Variants in CCN1 observed in about 807,000 individuals in gnomAD.
CCN1 encodes CCN family member 1.
In CCN1, 12 loss-of-function variants were observed where a neutral mutation model predicts 38.1. The ratio of observed to expected loss-of-function variants is 0.31; its 90% CI spans 0.20 to 0.51. The LOEUF (loss-of-function observed/expected upper bound fraction) is 0.51. Ranked by LOEUF, CCN1 falls within the 20% of genes least tolerant of loss-of-function variation. CCN1 has a pLI of 0.97. For missense variants in CCN1, 466 were observed against 490.9 expected (o/e 0.95, Z 0.48); for synonymous variants, 202 against 196.1 (o/e 1.03, Z -0.25).
rs200897161 is a variant in CCN1 at position 85,582,061 on chromosome 1, A to T, written c.411A>T (p.Glu137Asp). ...GCTGCATTCCTCTGTGTCCCCAAGAACTATCTCTCCCCAACTTGGGCTGTC... is the reference window on the plus strand; with the variant it reads ...GCTGCATTCCTCTGTGTCCCCAAGATCTATCTCTCCCCAACTTGGGCTGTC... Reference protein sequence around the residue: ...AVGCIPLCPQELSLPNLGCPN... With the variant: ...AVGCIPLCPQDLSLPNLGCPN... The change falls in exon 3 of 5, where the codon GAA (glutamate) becomes GAT (aspartate). Residue 137 changes from glutamate (E) to aspartate (D), a missense_variant. By Grantham distance (45) the Glu-to-Asp change is conservative (BLOSUM62 2). Transcript: ENST00000451137. The T allele has an allele frequency of 6.8e-6, 11 of 1,614,140 alleles. 1 individual carries two copies. The Middle Eastern group carries it at 4.9e-4, about 73-fold the overall frequency.
At chr1:85,581,825 C>T in intron 2 of CCN1, 103 bp from the exon 3 acceptor site, 1 of 1,313,868 alleles carries the variant, frequency 7.6e-7, no homozygotes, top group Non-Finnish European at 1.1e-6. Context: ...GGAACTTTAC[C>T]ATAAATTGAA....
rs1445633738 is a variant in CCN1, at chr1:85,583,386, C to T, written c.*344C>T. ...AGGCTTTTTTCCTTTTGGGGTTCTA[C>T]AGTCGTAAAAGAGATAATAAGATTA... On this transcript the variant is annotated 3_prime_UTR_variant, in exon 5 of 5. Coordinates refer to ENST00000451137, the MANE Select transcript of CCN1 (RefSeq NM_001554.5). 1 of 282,650 alleles carries T rather than the reference C, an allele frequency of 3.5e-6. No homozygotes were observed. The highest frequency in any genetic ancestry group is 2.2e-5 in the African/African-American group (1 of 45,890). The allele number at this position is 282,650 out of a possible 1,614,324, so 17.5% of individuals were successfully genotyped here.
rs753907885 is a variant in CCN1 at position 85,582,280 on chromosome 1, C to T, written c.630C>T (p.Leu210=). 6 of 1,614,150 alleles carry T rather than the reference C, an allele frequency of 3.7e-6. No individual in the cohort carries two copies. The highest frequency in any genetic ancestry group is 1.6e-4 in the Middle Eastern group (1 of 6,062). ...GAAAAGGCAGCTCACTGAAGCGGCT[C>T]CCTGGTAAGTGGAGACTGAGCACTT... The part of the protein sequence containing the change: ...AVGKGSSLKR[L]PVFGMEPRIL... Residue 210 remains leucine, a synonymous_variant, in exon 3 of 5, where the codon CTC becomes CTT. Coordinates refer to ENST00000451137, the MANE Select transcript of CCN1 (RefSeq NM_001554.5).
Position 85,582,398 on chromosome 1 carries a change from C to T in CCN1, c.635-18C>T, listed in dbSNP as rs368281986. ...GTCGGTATGCCTCTGAGAAGTCTTC[C>T]CTCTTATATGTCTCTAGTTTTTGGA... On this transcript the variant is annotated intron_variant, in intron 3 of 4. Transcript: ENST00000451137. 4.4e-5 allele frequency: 71 copies of T among 1,613,834 alleles called. No individual in the cohort carries two copies. The African/African-American group carries it at 8.1e-4, about 18-fold the overall frequency.
Position 85,582,551 on chromosome 1 carries a change from A to C in CCN1, c.770A>C (p.Glu257Ala). The change falls in exon 4 of 5, where the codon GAG becomes GCG. Residue 257 changes from glutamate to alanine, a missense_variant. By Grantham distance (107) the Glu-to-Ala change is moderately radical (BLOSUM62 -1). Around this residue, in one of 3 missense-constraint regions of CCN1, gnomAD observed 309 missense variants for 319.9 expected, o/e 0.97. Transcript: ENST00000451137. ...ACACGAGTTACCAATGACAACCCTG[A>C]GTGCCGCCTTGTGAAAGAAACCCGG... is the stretch of plus-strand genomic sequence containing the variant. ...ISTRVTNDNP[E>A]CRLVKETRIC... The C allele has an allele frequency of 1.9e-6, 3 of 1,614,194 alleles. No homozygotes were observed. The highest frequency in any genetic ancestry group is 2.5e-6 in the Non-Finnish European group (3 of 1,180,044).
In CCN1 at chr1:85,582,821, T is replaced by TA; in HGVS notation, c.926dup (p.Tyr309Ter). ...TYAGCLSVKK[Y>*]RPKYCGSCVD... Reference sequence around the variant, plus strand: ...CGCTGGATGTTTGAGTGTGAAGAAATACCGGCCCAAGTACTGCGGTTCCTG... The same window carrying TA: ...CGCTGGATGTTTGAGTGTGAAGAAATAACCGGCCCAAGTACTGCGGTTCCTG... The change falls in exon 5 of 5, where the codon TAC becomes TAAC. Residue 309 changes from tyrosine to a stop codon, truncating the protein, a stop_gained and frameshift_variant. Coordinates refer to ENST00000451137, the MANE Select transcript of CCN1 (RefSeq NM_001554.5). LOFTEE classifies it high-confidence loss of function. 1.2e-6 allele frequency: 2 copies of TA among 1,614,148 alleles called. No homozygotes were observed. Among genetic ancestry groups the TA allele is most frequent in the Non-Finnish European group, 1.7e-6 (2 of 1,180,028 alleles).
In CCN1 at chr1:85,582,266, T is replaced by C. The variant is rs1659806356; in HGVS notation, c.616T>C (p.Ser206Pro). ...NELIAVGKGS[S>P]LKRLPVFGME... ...ATTGATTGCAGTTGGAAAAGGCAGC[T>C]CACTGAAGCGGCTCCCTGGTAAGTG... is the stretch of plus-strand genomic sequence containing the variant. Residue 206 changes from serine (S) to proline (P), a missense_variant, in exon 3 of 5, where the codon TCA (serine) becomes CCA (proline). Coordinates refer to ENST00000451137, the MANE Select transcript of CCN1 (RefSeq NM_001554.5). 1 of 1,614,196 alleles carries C rather than the reference T, an allele frequency of 6.2e-7. No individual in the cohort carries two copies. The highest frequency in any genetic ancestry group is 1.7e-5 in the Admixed American group (1 of 60,024).
chr1:85,582,072 C>G lies in CCN1; in HGVS notation c.422C>G (p.Pro141Arg). Residue 141 changes from proline (P) to arginine (R), a missense_variant, in exon 3 of 5, where the codon CCC becomes CGC. Transcript: ENST00000451137. ...CTGTGTCCCCAAGAACTATCTCTCC[C>G]CAACTTGGGCTGTCCCAACCCTCGG... ...IPLCPQELSL[P>R]NLGCPNPRLV... 6.2e-7 allele frequency: 1 copy of G among 1,614,164 alleles called. No individual in the cohort carries two copies. The highest frequency in any genetic ancestry group is 8.5e-7 in the Non-Finnish European group (1 of 1,180,030).
chr1:85,583,243 T>G lies in CCN1; in HGVS notation c.*201T>G. ...CGGATGGACACTAATGCAGCCACGA[T>G]TGGAGAATACTTTGCTTCATAGTAT... On this transcript the variant is annotated 3_prime_UTR_variant, in exon 5 of 5. Coordinates refer to ENST00000451137, the MANE Select transcript of CCN1 (RefSeq NM_001554.5). The G allele has an allele frequency of 5.0e-6, 3 of 601,240 alleles. No homozygotes were observed. The East Asian group carries it at 8.3e-5, about 17-fold the overall frequency. 37.2% of individuals were successfully genotyped at this position (601,240 alleles called of 1,614,324 possible).
Position 85,582,814 on chromosome 1 carries a change from G to A in CCN1, c.918G>A (p.Val306=). 2 of 1,614,238 alleles carry A rather than the reference G, an allele frequency of 1.2e-6. No homozygotes were observed. Among genetic ancestry groups the A allele is most frequent in the Non-Finnish European group, 1.7e-6 (2 of 1,180,042 alleles). The change falls in exon 5 of 5, where the codon GTG becomes GTA. Residue 306 remains valine (V), a synonymous_variant. Transcript: ENST00000451137. Reference sequence around the variant, plus strand: ...TTACTTACGCTGGATGTTTGAGTGTGAAGAAATACCGGCCCAAGTACTGCG... The same window carrying A: ...TTACTTACGCTGGATGTTTGAGTGTAAAGAAATACCGGCCCAAGTACTGCG... ...VRFTYAGCLS[V]KKYRPKYCGS...
intron 2 of CCN1, 125 bp from the exon 3 acceptor site, chr1:85,581,803 G>A: frequency 8.4e-7 from 1 of 1,191,094 alleles, no homozygotes; most frequent in Non-Finnish European, 1.2e-6. Flanking sequence ...TGGAGTCTCC[G>A]GGGAATTGTA....
chr1:85,581,196 A>G, intron 1 of CCN1, 149 bp downstream of exon 1: 1 of 1,181,884 alleles, frequency 8.5e-7, no homozygotes, highest in African/African-American at 1.5e-5. Flanking sequence ...CTCCCCCCGA[A>G]GACGTGTCGG....
In CCN1 at chr1:85,582,068, C is replaced by T; in HGVS notation, c.418C>T (p.Leu140Phe). The T allele has an allele frequency of 1.2e-6, 2 of 1,614,196 alleles. No individual in the cohort carries two copies. The highest frequency in any genetic ancestry group is 1.7e-6 in the Non-Finnish European group (2 of 1,180,034). Residue 140 changes from leucine to phenylalanine, a missense_variant, in exon 3 of 5, where the codon CTC becomes TTC. Leu to Phe is a conservative substitution (Grantham distance 22, BLOSUM62 0). Coordinates refer to ENST00000451137, the MANE Select transcript of CCN1 (RefSeq NM_001554.5). The stretch of plus-strand genomic sequence containing the variant: ...TCCTCTGTGTCCCCAAGAACTATCT[C>T]TCCCCAACTTGGGCTGTCCCAACCC... ...CIPLCPQELS[L>F]PNLGCPNPRL...
In CCN1 at chr1:85,582,897, G is replaced by A. The variant is rs749917983; in HGVS notation, c.1001G>A (p.Arg334Gln). ...TPQLTRTVKM[R>Q]FRCEDGETFS... ...CAGCTGACCAGGACTGTGAAGATGC[G>A]GTTCCGCTGCGAAGATGGGGAGACA... The change falls in exon 5 of 5, where the codon CGG becomes CAG. Residue 334 changes from arginine (R) to glutamine (Q), a missense_variant. Transcript: ENST00000451137. 2 of 1,614,106 alleles carry A rather than the reference G, an allele frequency of 1.2e-6. No homozygotes were observed. Among genetic ancestry groups the A allele is most frequent in the East Asian group, 2.2e-5 (1 of 44,902 alleles).
rs1055615804 is a variant in CCN1, at chr1:85,582,640, G to A, written c.843+16G>A. On this transcript the variant is annotated intron_variant, in intron 4 of 4. Coordinates refer to ENST00000451137, the MANE Select transcript of CCN1 (RefSeq NM_001554.5). The stretch of plus-strand genomic sequence containing the variant: ...CAGCCTGAAAGTAAGTTCCTTCAGG[G>A]ACGTGTAGACTGTTGCCTGGCAGGT... 1.2e-6 allele frequency: 2 copies of A among 1,614,030 alleles called. No individual in the cohort carries two copies. Among genetic ancestry groups the A allele is most frequent in the Non-Finnish European group, 1.7e-6 (2 of 1,179,928 alleles).
Position 85,582,608 on chromosome 1 carries a change from T to C in CCN1, c.827T>C (p.Val276Ala), listed in dbSNP as rs1488025592. The change falls in exon 4 of 5, where the codon GTG (valine) becomes GCG (alanine). Residue 276 changes from valine to alanine, a missense_variant. Around this residue, in one of 3 missense-constraint regions of CCN1, gnomAD observed 309 missense variants for 319.9 expected, o/e 0.97. Coordinates refer to ENST00000451137, the MANE Select transcript of CCN1 (RefSeq NM_001554.5). ...GAGGTGCGGCCTTGTGGACAGCCAG[T>C]GTACAGCAGCCTGAAAGTAAGTTCC... Reference protein sequence around the residue: ...ICEVRPCGQPVYSSLKKGKKC... With the variant: ...ICEVRPCGQPAYSSLKKGKKC... The C allele has an allele frequency of 8.1e-6, 13 of 1,614,012 alleles. No homozygotes were observed. The highest frequency in any genetic ancestry group is 9.3e-6 in the Non-Finnish European group (11 of 1,180,038).
rs751703185 is a variant in CCN1 at position 85,581,357 on chromosome 1, C to T, written c.64-8C>T. 3 of 1,571,450 alleles carry T rather than the reference C, an allele frequency of 1.9e-6. No individual in the cohort carries two copies. The highest frequency in any genetic ancestry group is 4.7e-5 in the East Asian group (2 of 42,476). On this transcript the variant is annotated splice_polypyrimidine_tract_variant and splice_region_variant and intron_variant, in intron 1 of 4. Transcript: ENST00000451137. Reference sequence around the variant, plus strand: ...CCGAGTCTCACGCGTATCTTCTCCCCCTTCCAGGCGCTCTCCACCTGCCCC... The same window carrying T: ...CCGAGTCTCACGCGTATCTTCTCCCTCTTCCAGGCGCTCTCCACCTGCCCC...
At chr1:85,581,233 A>G (rs1659784167) in intron 1 of CCN1, 132 bp from the exon 2 acceptor site, 3 of 1,204,084 alleles carry the variant, frequency 2.5e-6, no homozygotes, top group Admixed American at 2.7e-5. Flanking sequence ...CAGCCTTCCG[A>G]GGTGGCCGGG....
rs934785554 is a variant in CCN1, at chr1:85,583,437, G to A, written c.*395G>A. 2 of 184,774 alleles carry A rather than the reference G, an allele frequency of 1.1e-5. No homozygotes were observed. Among genetic ancestry groups the A allele is most frequent in the Non-Finnish European group, 2.3e-5 (2 of 87,306 alleles). The allele number at this position is 184,774 out of a possible 1,614,324, so 11.4% of individuals were successfully genotyped here. A position where few individuals can be genotyped will look rare whatever the true frequency, so the allele number is the denominator to read the frequency against. ...GTTGGACAGTTTAAAGCTTTTATTC[G>A]TCCTTTGACAAAAGTAAATGGGAGG... On this transcript the variant is annotated 3_prime_UTR_variant, in exon 5 of 5. Transcript: ENST00000451137.
Sources: allele counts gnomAD v4.1 joint callset, GRCh38; gene constraint gnomAD v4.1.1; regional missense constraint gnomAD v4.1.1; transcripts MANE v1.5; gene names NCBI Gene and HGNC (gene_info 2026-07-23, HGNC 2026-07-21).